Variants in TMCO4 observed in about 807,000 individuals in gnomAD.
TMCO4 encodes transmembrane and coiled-coil domains 4.
A neutral mutation model predicts 64.7 loss-of-function variants in TMCO4; 58 were observed. That is an observed-to-expected ratio of 0.90 (90% CI 0.73 to 1.12). TMCO4 has a LOEUF of 1.12. Among genes scored for constraint, TMCO4 ranks in the 50% most tolerant of loss-of-function variants. TMCO4 has a pLI of 0.00. For synonymous variants in TMCO4, 325 were observed against 346.1 expected (o/e 0.94, Z 0.68); for missense variants, 780 against 825.9 (o/e 0.94, Z 0.68).
intron 6 of TMCO4, among the ~76,000 whole-genome samples, chr1:19,766,303 A>T (rs1557591890): frequency 2.0e-5 from 3 of 152,220 alleles, no homozygotes; most frequent in Non-Finnish European, 4.4e-5. Flanking sequence ...CAACTGGCCC[A>T]TCCACGACAC....
chr1:19,693,958 T>G (rs2095217506), intron 15 of TMCO4, among the ~76,000 whole-genome samples: 1 of 152,156 alleles, frequency 6.6e-6, no homozygotes, highest in African/African-American at 2.4e-5. Context: ...CTCTGGAGGT[T>G]CAAATCCAAT....
intron 13 of TMCO4, 23 bp from the exon 14 acceptor site, chr1:19,700,908 G>A (rs754523602): frequency 1.2e-6 from 2 of 1,606,802 alleles, no homozygotes; most frequent in Non-Finnish European, 1.7e-6. Context: ...CCCAGAAAAG[G>A]CCGTCAGTGT....
intron 6 of TMCO4, 66 bp from the exon 7 acceptor site, chr1:19,755,832 T>C: frequency 6.3e-7 from 1 of 1,596,338 alleles, no homozygotes; most frequent in Non-Finnish European, 8.6e-7. Flanking sequence ...ATGTTAGCAG[T>C]GTAACTGATA....
Position 19,780,562 on chromosome 1 carries a change from C to T in TMCO4, c.179+18G>A. On this transcript the variant is annotated intron_variant, in intron 4 of 15. Coordinates refer to ENST00000294543, the MANE Select transcript of TMCO4 (RefSeq NM_181719.7). ...CTGAAGAAGCATGACCTTCCCACTG[C>T]AAGACAGAAGAACTCACCTGTGTTC... The T allele has an allele frequency of 6.4e-7, 1 of 1,573,526 alleles. No individual in the cohort carries two copies. Among genetic ancestry groups the T allele is most frequent in the Non-Finnish European group, 8.6e-7 (1 of 1,159,598 alleles).
chr1:19,787,471 G>A (rs2043804666), intron 2 of TMCO4, among the ~76,000 whole-genome samples: 1 of 152,226 alleles, frequency 6.6e-6, no homozygotes, highest in Non-Finnish European at 1.5e-5. Flanking sequence ...TGTACCTGGT[G>A]CCTAACCACA....
chr1:19,797,177 T>C (rs189229057), intron 2 of TMCO4, among the ~76,000 whole-genome samples: 6 of 152,264 alleles, frequency 3.9e-5, no homozygotes, highest in African/African-American at 1.4e-4. Flanking sequence ...GAGCACCTAC[T>C]AAGCAAACTT....
At chr1:19,747,018 ACACCGACTACT>A in intron 8 of TMCO4, 134 bp downstream of exon 8, 1 of 757,576 alleles carries the variant, frequency 1.3e-6, no homozygotes, top group South Asian at 1.5e-5. Context: ...GCTGATGAGC[ACACCGACTACT>A]CACTGACTAC....
intron 15 of TMCO4, among the ~76,000 whole-genome samples, chr1:19,684,558 A>G (rs986237133): frequency 6.6e-6 from 1 of 152,192 alleles, no homozygotes; most frequent in Non-Finnish European, 1.5e-5. Context: ...ACACAAGGGT[A>G]GTTTCACCAG....
intron 13 of TMCO4, among the ~76,000 whole-genome samples, chr1:19,704,674 T>A (rs1181331154): frequency 6.6e-6 from 1 of 152,224 alleles, no homozygotes; most frequent in Non-Finnish European, 1.5e-5. Flanking sequence ...GAGCTGGGAC[T>A]GCTTTTCGAG....
intron 13 of TMCO4, among the ~76,000 whole-genome samples, chr1:19,706,307 G>A (rs754620657): frequency 6.6e-6 from 1 of 152,128 alleles, no homozygotes; most frequent in Non-Finnish European, 1.5e-5. Context: ...TTTCAAGACC[G>A]ACAAAAGAAA....
intron 14 of TMCO4, 142 bp from the exon 15 acceptor site, chr1:19,694,693 G>T: frequency 5.6e-6 from 4 of 711,872 alleles, no homozygotes; most frequent in East Asian, 5.3e-5. Flanking sequence ...GCACGGTGGG[G>T]ATGGAAGATG....
rs148652754 is a variant in TMCO4 at position 19,693,630 on chromosome 1, G to T, written c.1500+804C>A. ...TTTAGCTGCATGGGAACCCTTAGGA[G>T]TATGTTTAAAATGTGGACTCATGGC... On this transcript the variant is annotated intron_variant, in intron 15 of 15. Coordinates refer to ENST00000294543, the MANE Select transcript of TMCO4 (RefSeq NM_181719.7). Among the ~76,000 whole-genome samples the T allele has an allele frequency of 1.9e-3, 292 of 152,336 alleles. 6 individuals are homozygous for T. The highest frequency in any genetic ancestry group is 0.017 in the Admixed American group (255 of 15,302).
intron 10 of TMCO4, 126 bp from the exon 11 acceptor site, chr1:19,741,067 C>T: frequency 1.0e-6 from 1 of 993,480 alleles, no homozygotes; most frequent in Non-Finnish European, 1.4e-6. Context: ...CCACCCCCTG[C>T]CAATGAGTGG....
At chr1:19,713,739 A>G (rs1270161361) in intron 13 of TMCO4, among the ~76,000 whole-genome samples, 1 of 152,072 alleles carries the variant, frequency 6.6e-6, no homozygotes, top group Non-Finnish European at 1.5e-5. Context: ...AACAAAAACA[A>G]AAAAAACATG....
At position 19,743,952 on chromosome 1, in the gene TMCO4, C is replaced by T. The variant is rs528361999; in HGVS notation, c.877+1580G>A. 1.3e-5 allele frequency among the ~76,000 whole-genome samples: 2 copies of T among 152,306 alleles called. No homozygotes were observed. Among genetic ancestry groups the T allele is most frequent in the South Asian group, 2.1e-4 (1 of 4,828 alleles). The stretch of plus-strand genomic sequence containing the variant: ...AGACTCAAGGTAGGTGTGAACGAGG[C>T]GCTCACTGAACGCTAGTGACCTCTG... On this transcript the variant is annotated intron_variant, in intron 10 of 15. Coordinates refer to ENST00000294543, the MANE Select transcript of TMCO4 (RefSeq NM_181719.7). The surrounding 1 kb of genome is among the most constrained non-coding windows in gnomAD (Gnocchi z 4.1).
intron 15 of TMCO4, among the ~76,000 whole-genome samples, chr1:19,691,450 G>A (rs1300183136): frequency 6.6e-6 from 1 of 152,156 alleles, no homozygotes; most frequent in Non-Finnish European, 1.5e-5. Context: ...AGCAGCACCT[G>A]GTGAAGTTTT....
At chr1:19,712,798 G>A (rs532642906) in intron 13 of TMCO4, among the ~76,000 whole-genome samples, 15 of 152,160 alleles carry the variant, frequency 9.9e-5, no homozygotes, top group African/African-American at 2.4e-4. Context: ...AGCTATTGGC[G>A]TGTGACAAAC....
chr1:19,700,159 G>T (rs1302438471), intron 14 of TMCO4, among the ~76,000 whole-genome samples: 1 of 152,066 alleles, frequency 6.6e-6, no homozygotes, highest in Non-Finnish European at 1.5e-5. Context: ...AACCCCGCAG[G>T]TCCTCCTTCT....
In TMCO4 at chr1:19,721,183, A is replaced by G. The variant is rs144951475; in HGVS notation, c.1264+16189T>C. Among the ~76,000 whole-genome samples the G allele has an allele frequency of 5.4e-3, 817 of 152,264 alleles. 4 individuals are homozygous for G. Among genetic ancestry groups the G allele is most frequent in the African/African-American group, 0.019 (769 of 41,550 alleles). On this transcript the variant is annotated intron_variant, in intron 13 of 15. Coordinates refer to ENST00000294543, the MANE Select transcript of TMCO4 (RefSeq NM_181719.7). ...GAGTGAGGGGGAGGCCTGGGAGGGAAGGAAACTGAGAATGGTCCCCAGAGA... is the reference window on the plus strand; with the variant it reads ...GAGTGAGGGGGAGGCCTGGGAGGGAGGGAAACTGAGAATGGTCCCCAGAGA...
Sources: gnomAD v4.1 joint callset for allele counts (sites outside exome capture counted in the v4.1 genomes callset) on GRCh38, gnomAD v4.1.1 for gene constraint, Gnocchi (gnomAD v3.1) non-coding constraint, MANE v1.5 for transcripts, NCBI Gene and HGNC (gene_info 2026-07-23, HGNC 2026-07-21) for gene names.